SPIDR: variants seen among roughly 807,000 people sequenced by gnomAD.
SPIDR encodes the protein DNA repair-scaffolding protein.
SPIDR carries 93 observed loss-of-function variants against 104.6 expected under a neutral mutation model. The observed-to-expected ratio is 0.89, with a 90% CI of 0.75 to 1.06. SPIDR has a LOEUF of 1.06. SPIDR is among the 50% of genes least tolerant of loss of function. SPIDR has a pLI of 0.00. For missense variants in SPIDR, 1,154 were observed against 1,111.2 expected, an observed-to-expected ratio of 1.04 and a Z score of -0.55; for synonymous variants, 431 against 416.9, an observed-to-expected ratio of 1.03 and a Z score of -0.41.
intron 14 of SPIDR, 56 bp from the exon 15 acceptor site, chr8:47,712,606 C>G (rs1042152915): frequency 1.3e-6 from 2 of 1,544,814 alleles, no homozygotes; most frequent in Non-Finnish European, 8.8e-7. Context: ...CTTTTAAATG[C>G]TTTTAAAACA....
intron 8 of SPIDR, among the ~76,000 whole-genome samples, chr8:47,594,126 G>A (rs935047401): frequency 1.4e-5 from 2 of 147,012 alleles, no homozygotes; most frequent in African/African-American, 2.5e-5. Context: ...TTGGGAGGCC[G>A]AGGCGGGCAA....
At chr8:47,305,832 T>C (rs1302082060) in intron 5 of SPIDR, among the ~76,000 whole-genome samples, 1 of 152,238 alleles carries the variant, frequency 6.6e-6, no homozygotes, top group African/African-American at 2.4e-5. Context: ...AACATAAAAT[T>C]TACTATTTTG....
chr8:47,715,143 G>C (rs2082390805), intron 16 of SPIDR, among the ~76,000 whole-genome samples: 1 of 141,588 alleles, frequency 7.1e-6, no homozygotes, highest in Non-Finnish European at 1.5e-5. Flanking sequence ...CTATGAATTT[G>C]CCTGTTCTGC....
At chr8:47,600,310 T>C (rs1246030325) in intron 10 of SPIDR, among the ~76,000 whole-genome samples, 1 of 152,014 alleles carries the variant, frequency 6.6e-6, no homozygotes, top group African/African-American at 2.4e-5. Context: ...GCCCAGGAGT[T>C]TGAGACCAGC....
In SPIDR at chr8:47,633,573, A is replaced by AC. The variant is rs1554527364; in HGVS notation, c.1544+34378dup. On this transcript the variant is annotated intron_variant, in intron 10 of 19. Coordinates refer to ENST00000297423, the MANE Select transcript of SPIDR (RefSeq NM_001080394.4). ...GCAAATGATTGAAAAAAAAAAAAAA[A>AC]CAAAAACCAAGCATGGTGGCTTTGG... is the stretch of plus-strand genomic sequence containing the variant. Among the ~76,000 whole-genome samples, 27 of 151,154 alleles carry AC rather than the reference A, an allele frequency of 1.8e-4. 1 individual carries two copies. Among genetic ancestry groups the AC allele is most frequent in the African/African-American group, 5.8e-4 (24 of 41,202 alleles).
At chr8:47,446,383 C>G (rs558287491) in intron 8 of SPIDR, among the ~76,000 whole-genome samples, 7 of 152,166 alleles carry the variant, frequency 4.6e-5, no homozygotes, top group African/African-American at 1.7e-4. Flanking sequence ...CTTTTGAGAC[C>G]TACTACTGAG....
intron 11 of SPIDR, among the ~76,000 whole-genome samples, chr8:47,688,982 T>C (rs1242800467): frequency 2.0e-5 from 3 of 152,254 alleles, no homozygotes; most frequent in Admixed American, 6.5e-5. Context: ...TTTCCATTTG[T>C]GTTTCCACTT....
At chr8:47,419,443 T>A (rs1356988517) in intron 7 of SPIDR, among the ~76,000 whole-genome samples, 3 of 152,212 alleles carry the variant, frequency 2.0e-5, no homozygotes, top group African/African-American at 7.2e-5. Context: ...TAGTTTGTAT[T>A]TCTGTGGGAT....
At chr8:47,403,212 A>G (rs181650101) in intron 6 of SPIDR, among the ~76,000 whole-genome samples, 9 of 152,356 alleles carry the variant, frequency 5.9e-5, no homozygotes, top group Non-Finnish European at 1.0e-4. Flanking sequence ...TCTCAAAATA[A>G]TAAGAGGTAT....
At chr8:47,426,186 G>A (rs539654257) in intron 7 of SPIDR, among the ~76,000 whole-genome samples, 2 of 152,210 alleles carry the variant, frequency 1.3e-5, no homozygotes, top group African/African-American at 4.8e-5. Context: ...CCCGGGAGGC[G>A]GAGTTTGCAG....
At chr8:47,507,478 C>T (rs1340296085) in intron 8 of SPIDR, among the ~76,000 whole-genome samples, 1 of 152,210 alleles carries the variant, frequency 6.6e-6, no homozygotes, top group East Asian at 1.9e-4. Flanking sequence ...TATCGTGTTG[C>T]TCCATCTGGA....
chr8:47,588,039 A>G (rs2060481626), intron 8 of SPIDR, among the ~76,000 whole-genome samples: 1 of 31,568 alleles, frequency 3.2e-5, no homozygotes, highest in Non-Finnish European at 5.9e-5. Context: ...ATATATATAT[A>G]TATATATATA....
chr8:47,491,655 TC>T (rs1554739731), intron 8 of SPIDR, among the ~76,000 whole-genome samples: 1 of 152,052 alleles, frequency 6.6e-6, no homozygotes, highest in African/African-American at 2.4e-5. Context: ...GAGTTGCTGT[TC>T]TCTGCTGTCT....
chr8:47,339,166 A>G (rs1563668051), intron 5 of SPIDR, among the ~76,000 whole-genome samples: 1 of 152,230 alleles, frequency 6.6e-6, no homozygotes, highest in Non-Finnish European at 1.5e-5. Context: ...GATTTAACAC[A>G]GAATCATGGG....
At chr8:47,587,881 T>C (rs2060440148) in intron 8 of SPIDR, among the ~76,000 whole-genome samples, 1 of 150,896 alleles carries the variant, frequency 6.6e-6, no homozygotes, top group Non-Finnish European at 1.5e-5. Flanking sequence ...TGTCTATCCC[T>C]TCAATAACAC....
chr8:47,320,473 A>G (rs1220327633), intron 5 of SPIDR, among the ~76,000 whole-genome samples: 4 of 152,288 alleles, frequency 2.6e-5, no homozygotes, highest in Middle Eastern at 6.8e-3. Flanking sequence ...CCAAACAAAA[A>G]AAGTCCAGGA....
rs773380423 is a variant in SPIDR at position 47,599,172 on chromosome 8, GAC to G, written c.1526_1527del (p.Thr509ArgfsTer20). On this transcript the variant is annotated frameshift_variant, in exon 10 of 20. Coordinates refer to ENST00000297423, the MANE Select transcript of SPIDR (RefSeq NM_001080394.4). LOFTEE classifies it high-confidence loss of function. ...AGGGGTCAGCAGGGGGCCAGCTCAGGACACACAGACCCAGCTGGAACTCGGTG... is the reference window on the plus strand; with the variant it reads ...AGGGGTCAGCAGGGGGCCAGCTCAGGACACAGACCCAGCTGGAACTCGGTG... 74 of 1,613,596 alleles carry G rather than the reference GAC, an allele frequency of 4.6e-5. No individual in the cohort carries two copies. The highest frequency in any genetic ancestry group is 6.3e-5 in the Non-Finnish European group (74 of 1,179,916).
chr8:47,530,308 G>A (rs1159559569), intron 8 of SPIDR, among the ~76,000 whole-genome samples: 3 of 152,098 alleles, frequency 2.0e-5, no homozygotes, highest in Non-Finnish European at 4.4e-5. Context: ...GCTGGGTGTG[G>A]TGACACTCGC....
At chr8:47,275,824 T>C (rs1290012489) in intron 1 of SPIDR, among the ~76,000 whole-genome samples, 11 of 152,204 alleles carry the variant, frequency 7.2e-5, no homozygotes, top group African/African-American at 2.7e-4. Context: ...TTTTTAAATT[T>C]TCTGTGCGTG....
Sources: allele counts gnomAD v4.1 joint callset (sites outside exome capture counted in the v4.1 genomes callset), GRCh38; gene constraint gnomAD v4.1.1; transcripts MANE v1.5; gene names NCBI Gene and HGNC (gene_info 2026-07-23, HGNC 2026-07-21).